Variants in KYAT3 observed in about 807,000 individuals in gnomAD.
The protein encoded by KYAT3 is kynurenine--oxoglutarate transaminase 3.
In KYAT3, 50 loss-of-function variants were observed where a neutral mutation model predicts 59.0. That is an observed-to-expected ratio of 0.85 (90% CI 0.68 to 1.07). The LOEUF is 1.07. Ranked by LOEUF, KYAT3 falls within the 50% of genes least tolerant of loss-of-function variation. KYAT3 has a pLI of 0.00. For synonymous variants in KYAT3, 148 were observed against 177.0 expected (o/e 0.84, Z 1.30); for missense variants, 497 against 533.3 (o/e 0.93, Z 0.67).
chr1:88,928,848 A>G, the KYAT3 span, among the ~76,000 whole-genome samples: 1 of 152,136 alleles, frequency 6.6e-6, no homozygotes, highest in Non-Finnish European at 1.5e-5. Context: ...CAGTTACTAG[A>G]TACTTCTCTC....
rs746759156 is a variant in KYAT3, at chr1:88,983,607, A to G, written c.99+4645T>C. 6.8e-6 allele frequency: 11 copies of G among 1,613,986 alleles called. No homozygotes were observed. The African/African-American group carries it at 1.3e-4, about 20-fold the overall frequency. On this transcript the variant is annotated intron_variant, in intron 2 of 13. Transcript: ENST00000260508. ...TCCACCTTGATGGCTTTTCCATCTA[A>G]TGACTTTCCATTCATGTCTCTGGCT...
intron 2 of KYAT3, among the ~76,000 whole-genome samples, chr1:88,971,469 T>TG (rs1345119979): frequency 6.6e-6 from 1 of 152,188 alleles, no homozygotes; most frequent in African/African-American, 2.4e-5. Context: ...CTCAATGTTT[T>TG]TTTTTATTAT....
At chr1:88,922,400 G>T in the KYAT3 span, among the ~76,000 whole-genome samples, 393 of 152,260 alleles carry the variant, frequency 2.6e-3, 11 homozygotes, top group Admixed American at 0.02. Context: ...AGGGATTCCC[G>T]ACCTCCAGGT....
chr1:88,969,813 T>G (rs775521814), intron 2 of KYAT3, among the ~76,000 whole-genome samples: 7 of 152,096 alleles, frequency 4.6e-5, no homozygotes, highest in Admixed American at 2.6e-4. Flanking sequence ...AACTATTTTT[T>G]TTGTTGTTGT....
At chr1:88,981,605 A>G (rs1438380275) in intron 2 of KYAT3, 1 of 158,584 alleles carries the variant, frequency 6.3e-6, no homozygotes, top group African/African-American at 2.4e-5. Flanking sequence ...CAATTCTGAC[A>G]GCACTGCTTA....
intron 2 of KYAT3, chr1:88,983,669 A>C: frequency 1.2e-6 from 2 of 1,613,844 alleles, no homozygotes; most frequent in Non-Finnish European, 1.7e-6. Flanking sequence ...AAAGGTGACA[A>C]AAGCAAATCC....
At chr1:88,950,223 C>T (rs901404472) in intron 10 of KYAT3, among the ~76,000 whole-genome samples, 1 of 152,286 alleles carries the variant, frequency 6.6e-6, no homozygotes, top group South Asian at 2.1e-4. Flanking sequence ...CATTAAGGAC[C>T]AGGCAGGTAA....
At chr1:88,965,752 T>C (rs1431900289) in intron 4 of KYAT3, among the ~76,000 whole-genome samples, 1 of 152,174 alleles carries the variant, frequency 6.6e-6, no homozygotes, top group African/African-American at 2.4e-5. Flanking sequence ...ATCTACCTCC[T>C]CATTTTGCTT....
intron 2 of KYAT3, among the ~76,000 whole-genome samples, chr1:88,978,669 G>T (rs1676916786): frequency 7.0e-6 from 1 of 143,806 alleles, no homozygotes; most frequent in South Asian, 2.2e-4. Flanking sequence ...GGCTAATTTT[G>T]TTCTTAATTT....
chr1:88,991,953 A>G (rs1270545763), intron 1 of KYAT3, among the ~76,000 whole-genome samples: 1 of 151,304 alleles, frequency 6.6e-6, no homozygotes, highest in Non-Finnish European at 1.5e-5. Context: ...TTCATTTATA[A>G]GGCAACGTAA....
At chr1:88,929,861 A>G in the KYAT3 span, among the ~76,000 whole-genome samples, 17 of 152,242 alleles carry the variant, frequency 1.1e-4, no homozygotes, top group African/African-American at 3.6e-4. Flanking sequence ...CTTCTGCCAA[A>G]TGTGGTTTCC....
At chr1:88,953,874 G>A (rs1026682390) in intron 9 of KYAT3, among the ~76,000 whole-genome samples, 3 of 150,752 alleles carry the variant, frequency 2.0e-5, no homozygotes, top group Non-Finnish European at 4.4e-5. Flanking sequence ...CCTAATTTTT[G>A]TTTTGATGCT....
rs547115222 is a variant in KYAT3 at position 88,991,851 on chromosome 1, G to A, written c.-2+734C>T. Among the ~76,000 whole-genome samples, 6 of 152,370 alleles carry A rather than the reference G, an allele frequency of 3.9e-5. No homozygotes were observed. The East Asian group carries it at 1.2e-3, about 29-fold the overall frequency. On this transcript the variant is annotated intron_variant, in intron 1 of 13. Transcript: ENST00000260508. Reference sequence around the variant, plus strand: ...GGTGGCCGCCAAGGAGCCACGCGTGGGCGAAGCGAAGGAAGGATTTCTGCG... The same window carrying A: ...GGTGGCCGCCAAGGAGCCACGCGTGAGCGAAGCGAAGGAAGGATTTCTGCG...
chr1:88,931,500 G>C (rs1195353146), downstream of KYAT3, among the ~76,000 whole-genome samples: 3 of 152,076 alleles, frequency 2.0e-5, no homozygotes, highest in Non-Finnish European at 4.4e-5. Flanking sequence ...CCCCAGTTCA[G>C]CAGGAAGCAG....
At chr1:88,982,425 T>C (rs543551914) in intron 2 of KYAT3, 3 of 951,582 alleles carry the variant, frequency 3.2e-6, no homozygotes, top group South Asian at 3.8e-5. Context: ...GCTTAACACA[T>C]TTAACATTTG....
chr1:88,925,897 C>T, the KYAT3 span, among the ~76,000 whole-genome samples: 3 of 152,104 alleles, frequency 2.0e-5, no homozygotes, highest in Non-Finnish European at 4.4e-5. Context: ...AGGTCTTCTC[C>T]CTGACCCTAT....
rs571237928 is a variant in KYAT3 at position 88,968,598 on chromosome 1, C to T, written c.303+72G>A. On this transcript the variant is annotated intron_variant, in intron 4 of 13. Transcript: ENST00000260508. ...CTTATATATGAATGACAGAAGGGCA[C>T]ATGCACACACACAGACACACACCCC... 3 of 1,202,988 alleles carry T rather than the reference C, an allele frequency of 2.5e-6. No individual in the cohort carries two copies. In the African/African-American group the frequency reaches 4.8e-5, roughly 19 times the overall value. 74.5% of individuals were successfully genotyped at this position (1,202,988 alleles called of 1,614,324 possible).
At chr1:88,936,290 A>G in intron 13 of KYAT3, 45 bp from the exon 14 acceptor site, 1 of 1,293,602 alleles carries the variant, frequency 7.7e-7, no homozygotes, top group Non-Finnish European at 1.1e-6. Flanking sequence ...ATATACATAA[A>G]TTCAAGATGA....
chr1:88,929,507 G>A, the KYAT3 span, among the ~76,000 whole-genome samples: 1 of 152,150 alleles, frequency 6.6e-6, no homozygotes, highest in Non-Finnish European at 1.5e-5. Context: ...TACCCCAAGG[G>A]TTCAGGGATA....
Sources: allele counts gnomAD v4.1 joint callset (sites outside exome capture counted in the v4.1 genomes callset), GRCh38; gene constraint gnomAD v4.1.1; transcripts MANE v1.5; gene names NCBI Gene and HGNC (gene_info 2026-07-23, HGNC 2026-07-21).